CADPS2: variants seen among roughly 807,000 people sequenced by gnomAD.
CADPS2 encodes the protein calcium-dependent secretion activator 2.
CADPS2 carries 93 observed loss-of-function variants against 172.5 expected under a neutral mutation model. The observed-to-expected ratio is 0.54, with a 90% confidence interval of 0.46 to 0.64. The LOEUF (loss-of-function observed/expected upper bound fraction) is 0.64, where lower values mean the gene tolerates loss of function less well. Among genes scored for constraint, CADPS2 ranks in the 30% least tolerant of loss-of-function variants. CADPS2 has a pLI of 0.00. For missense variants in CADPS2, 1,420 were observed against 1,565.9 expected (o/e 0.91, Z 1.57); for synonymous variants, 546 against 555.2 (o/e 0.98, Z 0.23).
At chr7:122,815,334 C>T (rs1801050030) in intron 1 of CADPS2, among the ~76,000 whole-genome samples, 1 of 152,058 alleles carries the variant, frequency 6.6e-6, no homozygotes, top group Admixed American at 6.5e-5. Context: ...GCCTAGGTCC[C>T]AAGGAATACT....
At chr7:122,728,031 A>G (rs6972849) in intron 2 of CADPS2, among the ~76,000 whole-genome samples, 1 of 151,924 alleles carries the variant, frequency 6.6e-6, no homozygotes, top group Middle Eastern at 3.4e-3. Context: ...TTAGCGATCA[A>G]CAACTCACTA....
chr7:122,778,269 G>C (rs2093945633), intron 1 of CADPS2, among the ~76,000 whole-genome samples: 1 of 152,154 alleles, frequency 6.6e-6, no homozygotes. Flanking sequence ...GAACTTGAGA[G>C]AGATGATTTA....
At chr7:122,683,072 A>G (rs949694553) in intron 2 of CADPS2, among the ~76,000 whole-genome samples, 1 of 152,228 alleles carries the variant, frequency 6.6e-6, no homozygotes, top group Admixed American at 6.5e-5. Flanking sequence ...AGGAAGAATC[A>G]GGTCACATGA....
intron 8 of CADPS2, among the ~76,000 whole-genome samples, chr7:122,532,118 G>T (rs2061813943): frequency 6.6e-6 from 1 of 151,916 alleles, no homozygotes; most frequent in Non-Finnish European, 1.5e-5. Flanking sequence ...CCCCGACATT[G>T]CAAAAAGTTA....
At chr7:122,676,841 T>G (rs1371584212) in intron 2 of CADPS2, 2 of 570,054 alleles carry the variant, frequency 3.5e-6, no homozygotes, top group Non-Finnish European at 6.0e-6. Flanking sequence ...TGACAGTATT[T>G]TTTTTTTCCA....
chr7:122,705,958 A>AATATATAATATATTATATAATATAT (rs2087270151), intron 2 of CADPS2, among the ~76,000 whole-genome samples: 1 of 20,968 alleles, frequency 4.8e-5, no homozygotes, highest in Non-Finnish European at 7.2e-5. Context: ...TATATAATAT[A>AATATATAATATATTATATAATATAT]TATATAATAT....
At chr7:122,741,588 T>C (rs1311651887) in intron 1 of CADPS2, among the ~76,000 whole-genome samples, 1 of 152,176 alleles carries the variant, frequency 6.6e-6, no homozygotes, top group Non-Finnish European at 1.5e-5. Flanking sequence ...TTTTTAAATA[T>C]TACAATCTTG....
intron 5 of CADPS2, among the ~76,000 whole-genome samples, chr7:122,618,649 T>C (rs2075240481): frequency 6.6e-6 from 1 of 152,302 alleles, no homozygotes; most frequent in South Asian, 2.1e-4. Context: ...TAATGAAATG[T>C]GTGAGCTTTA....
chr7:122,386,321 C>A (rs1314044273), intron 24 of CADPS2: 25 of 1,417,240 alleles, frequency 1.8e-5, no homozygotes, highest in Middle Eastern at 1.8e-4. Context: ...TGGATCATGC[C>A]ATGGGTGGAA....
At chr7:122,649,898 ATTTTTTTTTTTTTTTT>A (rs71531909) in intron 3 of CADPS2, among the ~76,000 whole-genome samples, 13 of 52,020 alleles carry the variant, frequency 2.5e-4, no homozygotes, top group African/African-American at 1.0e-3. Context: ...GTATTCAATG[ATTTTTTTTTTTTTTTT>A]TTTTTTTTTT....
intron 20 of CADPS2, among the ~76,000 whole-genome samples, chr7:122,396,530 A>T (rs2045156904): frequency 6.6e-6 from 1 of 152,244 alleles, no homozygotes; most frequent in African/African-American, 2.4e-5. Context: ...CATTATGACA[A>T]GCTTGAAAAG....
At chr7:122,770,983 C>G (rs2093689862) in intron 1 of CADPS2, among the ~76,000 whole-genome samples, 1 of 152,178 alleles carries the variant, frequency 6.6e-6, no homozygotes, top group South Asian at 2.1e-4. Context: ...TGACTGGAGG[C>G]TGCCAGAAAT....
At chr7:122,433,587 G>C (rs933017399) in intron 17 of CADPS2, among the ~76,000 whole-genome samples, 1 of 151,970 alleles carries the variant, frequency 6.6e-6, no homozygotes, top group Admixed American at 6.6e-5. Flanking sequence ...ATTTTTAGTA[G>C]AGACAGGGTT....
At chr7:122,613,512 A>T (rs578048795) in intron 6 of CADPS2, among the ~76,000 whole-genome samples, 48 of 152,228 alleles carry the variant, frequency 3.2e-4, no homozygotes, top group African/African-American at 1.1e-3. Flanking sequence ...AAAATCACCT[A>T]ATGACACGTT....
chr7:122,866,863 C>A (rs560260334), intron 1 of CADPS2, among the ~76,000 whole-genome samples: 4 of 152,166 alleles, frequency 2.6e-5, no homozygotes, highest in Non-Finnish European at 4.4e-5. Flanking sequence ...GAACATCTTA[C>A]CACGGCCTAA....
intron 17 of CADPS2, among the ~76,000 whole-genome samples, chr7:122,426,706 T>C (rs914968642): frequency 5.3e-5 from 8 of 152,222 alleles, no homozygotes; most frequent in Non-Finnish European, 1.0e-4. Flanking sequence ...CAAGGTGCCA[T>C]GAAAGCCATG....
chr7:122,517,654 A>G (rs1311291900), intron 8 of CADPS2, among the ~76,000 whole-genome samples: 1 of 152,130 alleles, frequency 6.6e-6, no homozygotes, highest in Non-Finnish European at 1.5e-5. Flanking sequence ...GACCAAAGAT[A>G]AAGTCCTTTA....
rs74690652 is a variant in CADPS2 at position 122,735,326 on chromosome 7, C to T, written c.453+1629G>A. Among the ~76,000 whole-genome samples, 8 of 152,188 alleles carry T rather than the reference C, an allele frequency of 5.3e-5. No homozygotes were observed. In the East Asian group the frequency reaches 1.5e-3, roughly 29 times the overall value. ...CCGAATCTGTCTACAGGCTAAACAC[C>T]CCCAGCTCCTTCAACTTACATATGG... On this transcript the variant is annotated intron_variant, in intron 2 of 29. Transcript: ENST00000449022.
intron 29 of CADPS2, among the ~76,000 whole-genome samples, chr7:122,322,374 T>G (rs765401064): frequency 1.3e-5 from 2 of 152,350 alleles, no homozygotes; most frequent in East Asian, 3.9e-4. Context: ...CTTATTCAAT[T>G]AGCAAGCAAT....
Sources: allele counts gnomAD v4.1 joint callset (sites outside exome capture counted in the v4.1 genomes callset), GRCh38; gene constraint gnomAD v4.1.1; transcripts MANE v1.5; gene names NCBI Gene and HGNC (gene_info 2026-07-23, HGNC 2026-07-21).